The following XKR6 variants were observed in gnomAD, a reference collection of about 807,000 sequenced individuals.
XKR6 encodes the protein XK-related protein 6.
Under a neutral mutation model 56.7 loss-of-function variants are expected in XKR6, and 22 were observed. That is an observed-to-expected ratio of 0.39 (90% CI 0.28 to 0.55). XKR6 has a LOEUF of 0.55. Ranked by LOEUF, XKR6 falls within the 20% of genes least tolerant of loss-of-function variation. The probability of loss-of-function intolerance (pLI) is 0.66; values close to 1 mark genes in which losing one functional copy is unlikely to be tolerated. For synonymous variants in XKR6, 524 were observed against 387.8 expected (o/e 1.35, Z -4.13); for missense variants, 852 against 889.0 (o/e 0.96, Z 0.53).
chr8:11,071,118 A>T (rs1233268351), intron 1 of XKR6, among the ~76,000 whole-genome samples: 2 of 152,238 alleles, frequency 1.3e-5, no homozygotes, highest in African/African-American at 4.8e-5. Flanking sequence ...TACTCATATC[A>T]CATTCTCAAA....
intron 1 of XKR6, among the ~76,000 whole-genome samples, chr8:11,073,767 G>A (rs1180165624): frequency 6.6e-6 from 1 of 152,182 alleles, no homozygotes; most frequent in African/African-American, 2.4e-5. Flanking sequence ...TTGTTCTGCT[G>A]GCCTTTGGCA....
intron 1 of XKR6, among the ~76,000 whole-genome samples, chr8:10,976,900 C>A (rs548126437): frequency 1.6e-4 from 25 of 152,186 alleles, no homozygotes; most frequent in African/African-American, 5.5e-4. Context: ...GGGGGCTACA[C>A]TGAACCAAGG....
chr8:11,133,126 G>C (rs768249908), intron 1 of XKR6, among the ~76,000 whole-genome samples: 1 of 152,164 alleles, frequency 6.6e-6, no homozygotes, highest in Non-Finnish European at 1.5e-5. Flanking sequence ...AAGCATACAA[G>C]GGAGAGGGTG....
intron 1 of XKR6, among the ~76,000 whole-genome samples, chr8:11,089,038 G>A (rs1436799475): frequency 2.6e-5 from 4 of 152,200 alleles, no homozygotes; most frequent in Non-Finnish European, 4.4e-5. Context: ...GTAAGGGACA[G>A]GAGATTCCAG....
chr8:11,011,834 G>A (rs1798505783), intron 1 of XKR6, among the ~76,000 whole-genome samples: 1 of 152,156 alleles, frequency 6.6e-6, no homozygotes, highest in Non-Finnish European at 1.5e-5. Flanking sequence ...TTGCTTCTGG[G>A]TCCACTGCAG....
chr8:11,101,358 C>T (rs926386958), intron 1 of XKR6, among the ~76,000 whole-genome samples: 10 of 152,252 alleles, frequency 6.6e-5, no homozygotes, highest in Non-Finnish European at 1.0e-4. Flanking sequence ...GATTGGATAA[C>T]GTACACTGTA....
In XKR6 at chr8:11,070,137, G is replaced by A. The variant is rs568866162; in HGVS notation, c.764+130439C>T. On this transcript the variant is annotated intron_variant, in intron 1 of 2. Coordinates refer to ENST00000416569, the MANE Select transcript of XKR6 (RefSeq NM_173683.4). ...AACACAGATGTGTGAGAAATACAAA[G>A]AAGACCCTCAGGGCAGTGCTGGAGG... Among the ~76,000 whole-genome samples the A allele has an allele frequency of 2.0e-5, 3 of 152,328 alleles. No individual in the cohort carries two copies. In the South Asian group the frequency reaches 6.2e-4, roughly 32 times the overall value.
At chr8:11,007,665 A>G (rs1480684875) in intron 1 of XKR6, among the ~76,000 whole-genome samples, 1 of 152,102 alleles carries the variant, frequency 6.6e-6, no homozygotes, top group Non-Finnish European at 1.5e-5. Context: ...GAGGCAGGAA[A>G]CAAACAAACA....
At chr8:11,009,077 G>A (rs567965387) in intron 1 of XKR6, among the ~76,000 whole-genome samples, 1 of 141,668 alleles carries the variant, frequency 7.1e-6, no homozygotes, top group Admixed American at 7.2e-5. Context: ...TGGGTAGTCA[G>A]CAGCTGTGTG....
chr8:10,982,349 T>C (rs999925323), intron 1 of XKR6, among the ~76,000 whole-genome samples: 1 of 152,252 alleles, frequency 6.6e-6, no homozygotes. Context: ...CTGTTTTTTC[T>C]GTCTAAGATG....
chr8:11,154,357 C>T (rs181842818), intron 1 of XKR6, among the ~76,000 whole-genome samples: 1 of 152,222 alleles, frequency 6.6e-6, no homozygotes, highest in Non-Finnish European at 1.5e-5. Flanking sequence ...TCCGTGCGTA[C>T]GGTCACACAT....
chr8:11,053,630 G>C (rs1048405047), intron 1 of XKR6, among the ~76,000 whole-genome samples: 2 of 152,226 alleles, frequency 1.3e-5, no homozygotes, highest in Admixed American at 6.5e-5. Flanking sequence ...GGCAGTACTA[G>C]AATTTATCAA....
intron 1 of XKR6, among the ~76,000 whole-genome samples, chr8:10,974,082 T>C (rs1278018813): frequency 6.6e-6 from 1 of 152,226 alleles, no homozygotes; most frequent in African/African-American, 2.4e-5. Context: ...TATTTTTCCA[T>C]TGGTCCAGTG....
In XKR6 at chr8:10,912,854, G is replaced by T. The variant is rs115754400; in HGVS notation, c.961+11780C>A. 8.8e-3 allele frequency among the ~76,000 whole-genome samples: 1,096 copies of T among 124,818 alleles called. 19 individuals are homozygous for T. The highest frequency in any genetic ancestry group is 0.035 in the African/African-American group (1,045 of 29,856). The allele number at this position is 124,818 out of a possible 152,430, so 81.9% of individuals were successfully genotyped here. On this transcript the variant is annotated intron_variant, in intron 2 of 2. Coordinates refer to ENST00000416569, the MANE Select transcript of XKR6 (RefSeq NM_173683.4). ...TATATATAGAGAGAGAAAGAGATAGGGTGTGTGTATAGATAGAGAGAAAGA... is the reference window on the plus strand; with the variant it reads ...TATATATAGAGAGAGAAAGAGATAGTGTGTGTGTATAGATAGAGAGAAAGA...
intron 1 of XKR6, among the ~76,000 whole-genome samples, chr8:11,074,657 C>T (rs1239393129): frequency 6.6e-6 from 1 of 152,148 alleles, no homozygotes; most frequent in Non-Finnish European, 1.5e-5. Context: ...GAGACATCAC[C>T]CCTGCCCCAG....
At chr8:11,173,048 G>T (rs1802457117) in intron 1 of XKR6, among the ~76,000 whole-genome samples, 2 of 152,016 alleles carry the variant, frequency 1.3e-5, no homozygotes. Flanking sequence ...AAATATAACA[G>T]CTTCCGGCCG....
At chr8:11,156,589 A>T (rs1181878800) in intron 1 of XKR6, among the ~76,000 whole-genome samples, 3 of 152,200 alleles carry the variant, frequency 2.0e-5, no homozygotes, top group Non-Finnish European at 1.5e-5. Context: ...TGTGACCCCA[A>T]AGAAGTTAAA....
chr8:10,994,524 T>C (rs1282066394), intron 1 of XKR6, among the ~76,000 whole-genome samples: 1 of 152,196 alleles, frequency 6.6e-6, no homozygotes, highest in Non-Finnish European at 1.5e-5. Context: ...TCATGCCTGG[T>C]CCCCACATGG....
At chr8:10,928,189 AGT>A (rs1800953203) in intron 1 of XKR6, among the ~76,000 whole-genome samples, 1 of 152,304 alleles carries the variant, frequency 6.6e-6, no homozygotes, top group Admixed American at 6.5e-5. Flanking sequence ...TCAGTCACTC[AGT>A]GCTGTGGGGC....
Sources: allele counts gnomAD v4.1 joint callset (sites outside exome capture counted in the v4.1 genomes callset), GRCh38; gene constraint gnomAD v4.1.1; transcripts MANE v1.5; gene names NCBI Gene and HGNC (gene_info 2026-07-23, HGNC 2026-07-21).